Variants in EBF3 observed in about 807,000 individuals in gnomAD.
The protein encoded by EBF3 is EBF transcription factor 3.
Under a neutral mutation model 77.1 loss-of-function variants are expected in EBF3, and 18 were observed. That is an observed-to-expected ratio of 0.23 (90% confidence interval 0.16 to 0.35). The LOEUF is 0.35. EBF3 is among the 10% of genes least tolerant of loss of function. EBF3 has a pLI of 1.00. For synonymous variants in EBF3, 350 were observed against 343.5 expected, an observed-to-expected ratio of 1.02 and a Z score of -0.21; for missense variants, 558 against 860.0, an observed-to-expected ratio of 0.65 and a Z score of 4.39.
At chr10:129,904,431 CAGAT>C (rs1323820732) in intron 6 of EBF3, among the ~76,000 whole-genome samples, 1 of 151,778 alleles carries the variant, frequency 6.6e-6, no homozygotes, top group Non-Finnish European at 1.5e-5. Flanking sequence ...ATTAAATGGA[CAGAT>C]GGATGGATGG....
At chr10:129,840,105 T>C (rs576505802) in intron 15 of EBF3, 140 bp downstream of exon 15, 32 of 1,074,866 alleles carry the variant, frequency 3.0e-5, no homozygotes, top group Non-Finnish European at 3.9e-5. Flanking sequence ...CAGGCAGAGG[T>C]GGCACGCATC....
chr10:129,943,318 C>G lies in EBF3; in HGVS notation c.554+13940G>C, dbSNP rs1019134883. Among the ~76,000 whole-genome samples the G allele has an allele frequency of 2.0e-5, 3 of 152,168 alleles. No individual in the cohort carries two copies. The highest frequency in any genetic ancestry group is 7.2e-5 in the African/African-American group (3 of 41,450). On this transcript the variant is annotated intron_variant, in intron 6 of 16. Transcript: ENST00000440978. The surrounding 1 kb of genome is among the most constrained non-coding windows in gnomAD (Gnocchi z 8.8). ...ATTCCTTAATCAACAGTTAAAGAAGCAAATTGGATTTGCCCTATCACAAAA... is the reference window on the plus strand; with the variant it reads ...ATTCCTTAATCAACAGTTAAAGAAGGAAATTGGATTTGCCCTATCACAAAA...
At chr10:129,862,913 C>G (rs1851741295) in intron 10 of EBF3, among the ~76,000 whole-genome samples, 1 of 152,156 alleles carries the variant, frequency 6.6e-6, no homozygotes, top group African/African-American at 2.4e-5. Flanking sequence ...GCGAGTTTCT[C>G]AGGTAGGACA....
At chr10:129,940,636 CT>C in intron 6 of EBF3, among the ~76,000 whole-genome samples, 1 of 152,320 alleles carries the variant, frequency 6.6e-6, no homozygotes, top group Admixed American at 6.5e-5. Flanking sequence ...GTTATCTCTA[CT>C]GTGGGCGGGT....
chr10:129,958,856 C>T lies in EBF3; in HGVS notation c.485+78G>A, dbSNP rs575018469. On this transcript the variant is annotated intron_variant, in intron 5 of 16. Transcript: ENST00000440978. ...CCCGGAGCTGGGCGGGGTGGCGGCG[C>T]CTGGACGCGGCGTCCTTTGTAGACG... The T allele has an allele frequency of 2.0e-6, 3 of 1,479,778 alleles. No homozygotes were observed. The African/African-American group carries it at 4.4e-5, about 22-fold the overall frequency. The allele number at this position is 1,479,778 out of a possible 1,614,324, so 91.7% of individuals were successfully genotyped here. A position where few individuals can be genotyped will look rare whatever the true frequency, so the allele number is the denominator to read the frequency against.
chr10:129,891,294 T>C (rs1268471659), intron 6 of EBF3, among the ~76,000 whole-genome samples: 2 of 152,218 alleles, frequency 1.3e-5, no homozygotes, highest in South Asian at 4.1e-4. Flanking sequence ...ACCTACATGA[T>C]GGTACAAGTC....
rs997192813 is a variant in EBF3, at chr10:129,836,627, A to G, written c.*1316T>C. The G allele has an allele frequency of 1.7e-3, 75 of 45,372 alleles. No homozygotes were observed. The highest frequency in any genetic ancestry group is 7.9e-3 in the African/African-American group (70 of 8,860). 2.8% of individuals were successfully genotyped at this position (45,372 alleles called of 1,614,324 possible). Reference sequence around the variant, plus strand: ...AAAAAAAAGGATGGAAAGTCTAAACAATAGCATATTTTTTGAAGTACAAAT... The same window carrying G: ...AAAAAAAAGGATGGAAAGTCTAAACGATAGCATATTTTTTGAAGTACAAAT... On this transcript the variant is annotated 3_prime_UTR_variant, in exon 17 of 17. Coordinates refer to ENST00000440978, the MANE Select transcript of EBF3 (RefSeq NM_001375380.1).
intron 6 of EBF3, among the ~76,000 whole-genome samples, chr10:129,907,256 G>A (rs542560567): frequency 5.9e-5 from 9 of 152,338 alleles, no homozygotes; most frequent in South Asian, 2.1e-4. Context: ...GGGCGAGGGC[G>A]CCCCTGTTTG....
rs145200613 is a variant in EBF3, at chr10:129,856,066, C to A, written c.1040-7586G>T. Among the ~76,000 whole-genome samples, 456 of 152,342 alleles carry A rather than the reference C, an allele frequency of 3.0e-3. 1 individual carries two copies. Among genetic ancestry groups the A allele is most frequent in the African/African-American group, 0.01 (436 of 41,584 alleles). ...TGGGGACGTTCCCAGCCACCCCATG[C>A]ACTTGTTCAGGCATCTGCCCTCCCC... is the stretch of plus-strand genomic sequence containing the variant. On this transcript the variant is annotated intron_variant, in intron 10 of 16. Coordinates refer to ENST00000440978, the MANE Select transcript of EBF3 (RefSeq NM_001375380.1).
intron 6 of EBF3, among the ~76,000 whole-genome samples, chr10:129,953,076 GAAGA>G (rs890944449): frequency 2.7e-5 from 4 of 148,950 alleles, no homozygotes; most frequent in African/African-American, 7.4e-5. Flanking sequence ...AGAAAAGAAA[GAAGA>G]AAGACAGAAA....
At chr10:129,855,016 G>A (rs1023221513) in intron 10 of EBF3, among the ~76,000 whole-genome samples, 1 of 152,168 alleles carries the variant, frequency 6.6e-6, no homozygotes, top group Admixed American at 6.5e-5. Context: ...CATCCTGGCC[G>A]CTCCCGTCCG....
intron 6 of EBF3, among the ~76,000 whole-genome samples, chr10:129,925,591 C>CAAAAAAA (rs11368338): frequency 8.7e-6 from 1 of 114,580 alleles, no homozygotes. Context: ...GACTCCATCT[C>CAAAAAAA]AAAAAAAAAA....
At chr10:129,847,841 G>A (rs1040806206) in intron 11 of EBF3, among the ~76,000 whole-genome samples, 1 of 152,212 alleles carries the variant, frequency 6.6e-6, no homozygotes, top group Non-Finnish European at 1.5e-5. Flanking sequence ...TTTTGTCTTT[G>A]TTGAATTTAA....
rs1857644740 is a variant in EBF3, at chr10:129,940,327, T to C, written c.554+16931A>G. The stretch of plus-strand genomic sequence containing the variant: ...AGAAGGGGCTCATCCAGCTCAGCCC[T>C]CAAAGCTCAAAGGCAGAGCCCCCTA... On this transcript the variant is annotated intron_variant, in intron 6 of 16. Transcript: ENST00000440978. Among the ~76,000 whole-genome samples, 2 of 152,054 alleles carry C rather than the reference T, an allele frequency of 1.3e-5. 1 individual carries two copies. The highest frequency in any genetic ancestry group is 4.1e-4 in the South Asian group (2 of 4,824).
intron 6 of EBF3, among the ~76,000 whole-genome samples, chr10:129,903,791 G>T (rs559596442): frequency 6.6e-6 from 1 of 152,258 alleles, no homozygotes; most frequent in African/African-American, 2.4e-5. Flanking sequence ...TCATTTGGTG[G>T]AATTTTAATT....
chr10:129,882,679 T>G (rs1853291461), intron 6 of EBF3, among the ~76,000 whole-genome samples: 1 of 152,236 alleles, frequency 6.6e-6, no homozygotes, highest in Non-Finnish European at 1.5e-5. Context: ...ATCAATTACA[T>G]AAGGAATGAA....
At chr10:129,845,949 T>TTA (rs11452511) in intron 11 of EBF3, 2 of 151,298 alleles carry the variant, frequency 1.3e-5, no homozygotes, top group East Asian at 3.9e-4. Context: ...TTTTTTTTTT[T>TTA]ACTATAACAT....
Position 129,962,923 on chromosome 10 carries a change from G to C in EBF3, c.355+19C>G. On this transcript the variant is annotated intron_variant, in intron 3 of 16. Coordinates refer to ENST00000440978, the MANE Select transcript of EBF3 (RefSeq NM_001375380.1). ...GAGCCAGCCGCTGCAGGGGCGGCGA[G>C]CACGCAGCAGGCACTTACCGTTGCT... is the stretch of plus-strand genomic sequence containing the variant. 1 of 1,613,348 alleles carries C rather than the reference G, an allele frequency of 6.2e-7. No homozygotes were observed. The highest frequency in any genetic ancestry group is 1.1e-5 in the South Asian group (1 of 90,984).
chr10:129,840,029 A>G (rs1357768579), intron 15 of EBF3, among the ~76,000 whole-genome samples: 1 of 152,260 alleles, frequency 6.6e-6, no homozygotes, highest in African/African-American at 2.4e-5. Context: ...TGAGCTGGAC[A>G]AAAACCAAGA....
Sources: gnomAD v4.1 joint callset for allele counts (sites outside exome capture counted in the v4.1 genomes callset) on GRCh38, gnomAD v4.1.1 for gene constraint, Gnocchi (gnomAD v3.1) non-coding constraint, MANE v1.5 for transcripts, NCBI Gene and HGNC (gene_info 2026-07-23, HGNC 2026-07-21) for gene names.